Variants in STIM2 observed in about 807,000 individuals in gnomAD.
STIM2 encodes the protein stromal interaction molecule 2.
Under a neutral mutation model 85.8 loss-of-function variants are expected in STIM2, and 31 were observed. The ratio of observed to expected loss-of-function variants is 0.36; its 90% CI spans 0.27 to 0.49. STIM2 has a LOEUF of 0.49. Ranked by LOEUF, STIM2 falls within the 20% of genes least tolerant of loss-of-function variation. The pLI is 0.98. For synonymous variants in STIM2, 356 were observed against 331.1 expected (o/e 1.08, Z -0.82); for missense variants, 841 against 927.6 (o/e 0.91, Z 1.21).
At chr4:26,903,906 T>C (rs1018132297) in intron 1 of STIM2, among the ~76,000 whole-genome samples, 6 of 152,162 alleles carry the variant, frequency 3.9e-5, no homozygotes, top group African/African-American at 1.4e-4. Flanking sequence ...CTAACTGTTC[T>C]CAGTGGCTAG....
chr4:26,935,262 C>G (rs1434612567), intron 2 of STIM2, among the ~76,000 whole-genome samples: 1 of 152,138 alleles, frequency 6.6e-6, no homozygotes, highest in Admixed American at 6.5e-5. Context: ...TGGTCTTCAG[C>G]AACTCACCAA....
intron 7 of STIM2, 93 bp from the exon 8 acceptor site, chr4:27,007,440 C>T: frequency 1.4e-6 from 1 of 707,076 alleles, no homozygotes; most frequent in Non-Finnish European, 2.0e-6. Context: ...ATTAAAATAG[C>T]TTTTTTTTTT....
Position 27,017,770 on chromosome 4 carries a change from C to T in STIM2, c.1549C>T (p.Arg517Cys), listed in dbSNP as rs760297373. 7.4e-6 allele frequency: 12 copies of T among 1,613,990 alleles called. No homozygotes were observed. The highest frequency in any genetic ancestry group is 2.7e-5 in the African/African-American group (2 of 74,906). The change falls in exon 11 of 12, where the codon CGC (arginine) becomes TGC (cysteine). Residue 517 changes from arginine (R) to cysteine (C), a missense_variant. By Grantham distance (180) the Arg-to-Cys change is radical. This residue lies in a region of STIM2 where 408 missense variants were observed against 525.4 expected (regional missense o/e 0.78). Coordinates refer to ENST00000467087, the MANE Select transcript of STIM2 (RefSeq NM_020860.4). Reference sequence around the variant, plus strand: ...AAGCAGCAGCCTGTGCCGTTCACGCCGCAGCATTGTGCCGTCCTCGCCTCA... The same window carrying T: ...AAGCAGCAGCCTGTGCCGTTCACGCTGCAGCATTGTGCCGTCCTCGCCTCA...
Position 26,998,009 on chromosome 4 carries a change from A to G in STIM2, c.510-1223A>G, listed in dbSNP as rs1450635658. 3.3e-5 allele frequency among the ~76,000 whole-genome samples: 5 copies of G among 152,288 alleles called. No homozygotes were observed. The South Asian group carries it at 6.2e-4, about 19-fold the overall frequency. ...TTGGGTTTGAATCCTTGCCTTACCT[A>G]TTACTAATTATGTAACCTTAGGCAA... On this transcript the variant is annotated intron_variant, in intron 4 of 11. Transcript: ENST00000467087.
At chr4:26,934,277 C>A (rs1725317269) in intron 2 of STIM2, among the ~76,000 whole-genome samples, 1 of 152,124 alleles carries the variant, frequency 6.6e-6, no homozygotes, top group South Asian at 2.1e-4. Context: ...AATATTTTCT[C>A]AAAATTTCAA....
At chr4:26,986,530 T>C (rs950512601) in intron 3 of STIM2, among the ~76,000 whole-genome samples, 6 of 152,252 alleles carry the variant, frequency 3.9e-5, no homozygotes, top group African/African-American at 1.4e-4. Context: ...CTTTTACACA[T>C]GAAAGGAACA....
intron 1 of STIM2, among the ~76,000 whole-genome samples, chr4:26,906,828 A>G (rs1360903313): frequency 3.9e-5 from 6 of 152,112 alleles, no homozygotes; most frequent in Non-Finnish European, 8.8e-5. Flanking sequence ...TTAGATAGGC[A>G]TGGTGGTGGG....
Position 26,891,548 on chromosome 4 carries a change from TATAC to T in STIM2, c.152-27946_152-27943del, listed in dbSNP as rs745527510. Among the ~76,000 whole-genome samples, 170 of 125,378 alleles carry T rather than the reference TATAC, an allele frequency of 1.4e-3. 1 individual carries two copies. The highest frequency in any genetic ancestry group is 5.9e-3 in the Admixed American group (64 of 10,834). 82.3% of individuals were successfully genotyped at this position (125,378 alleles called of 152,430 possible). ...GTATATATACATATAAAGATATGTG[TATAC>T]ATACATACACACACACACACACACA... On this transcript the variant is annotated intron_variant, in intron 1 of 11. Coordinates refer to ENST00000467087, the MANE Select transcript of STIM2 (RefSeq NM_020860.4).
intron 2 of STIM2, among the ~76,000 whole-genome samples, chr4:26,952,671 CTG>C (rs1314083006): frequency 1.3e-5 from 2 of 152,172 alleles, no homozygotes; most frequent in East Asian, 3.9e-4. Context: ...CTCTCAAACA[CTG>C]TGCTATCTGT....
intron 1 of STIM2, among the ~76,000 whole-genome samples, chr4:26,861,975 T>C (rs1722226281): frequency 6.6e-6 from 1 of 152,132 alleles, no homozygotes; most frequent in South Asian, 2.1e-4. Context: ...TAAGTGGTGA[T>C]GGAAAGTGTT....
chr4:26,967,345 A>G (rs377123529), intron 3 of STIM2, among the ~76,000 whole-genome samples: 38 of 152,202 alleles, frequency 2.5e-4, no homozygotes, highest in African/African-American at 8.9e-4. Flanking sequence ...AAAGGGAGAG[A>G]GTAGCCTTGG....
chr4:26,953,504 G>A (rs1248062394), intron 2 of STIM2, among the ~76,000 whole-genome samples: 1 of 152,078 alleles, frequency 6.6e-6, no homozygotes, highest in African/African-American at 2.4e-5. Context: ...GTCAGGTTTT[G>A]AGTATATGTC....
intron 3 of STIM2, among the ~76,000 whole-genome samples, chr4:26,989,590 G>A (rs939870303): frequency 6.6e-6 from 1 of 152,122 alleles, no homozygotes; most frequent in African/African-American, 2.4e-5. Flanking sequence ...CTTTTATTCA[G>A]TGTAATACCA....
chr4:27,003,867 T>C (rs1728242522), intron 7 of STIM2, among the ~76,000 whole-genome samples: 1 of 152,156 alleles, frequency 6.6e-6, no homozygotes, highest in African/African-American at 2.4e-5. Context: ...TCATGCCCCT[T>C]CGTCTGTCTT....
At chr4:26,878,171 T>C (rs944545311) in intron 1 of STIM2, among the ~76,000 whole-genome samples, 4 of 152,222 alleles carry the variant, frequency 2.6e-5, no homozygotes, top group African/African-American at 7.2e-5. Flanking sequence ...CTTTTTTATA[T>C]GTGCTAGGTT....
chr4:26,878,190 G>A (rs1295399940), intron 1 of STIM2, among the ~76,000 whole-genome samples: 3 of 152,112 alleles, frequency 2.0e-5, no homozygotes, highest in Non-Finnish European at 4.4e-5. Flanking sequence ...TTTGTGATGG[G>A]GGTGGAGAAG....
rs773344068 is a variant in STIM2, at chr4:26,957,609, T to C, written c.283-3T>C. The C allele has an allele frequency of 2.1e-6, 3 of 1,446,206 alleles. No individual in the cohort carries two copies. The highest frequency in any genetic ancestry group is 9.4e-7 in the Non-Finnish European group (1 of 1,066,906). The allele number at this position is 1,446,206 out of a possible 1,614,324, so 89.6% of individuals were successfully genotyped here. On this transcript the variant is annotated splice_region_variant and splice_polypyrimidine_tract_variant and intron_variant, in intron 2 of 11. Coordinates refer to ENST00000467087, the MANE Select transcript of STIM2 (RefSeq NM_020860.4). ...ATTTAACTTAATGTTTTCTCTTCTA[T>C]AGTTCATCAGAGAAGATATGAAATA...
At chr4:26,945,531 CTTCCACAA>C (rs1184392152) in intron 2 of STIM2, among the ~76,000 whole-genome samples, 1 of 152,182 alleles carries the variant, frequency 6.6e-6, no homozygotes, top group Non-Finnish European at 1.5e-5. Context: ...GCCACACTGT[CTTCCACAA>C]TGGTTGAACT....
At chr4:26,963,547 G>T (rs73813252) in intron 3 of STIM2, among the ~76,000 whole-genome samples, 41 of 152,306 alleles carry the variant, frequency 2.7e-4, no homozygotes, top group Non-Finnish European at 4.9e-4. Flanking sequence ...ACACTCATTA[G>T]TAGAAAATAA....
Sources: gnomAD v4.1 joint callset for allele counts (sites outside exome capture counted in the v4.1 genomes callset) on GRCh38, gnomAD v4.1.1 for gene constraint, gnomAD v4.1.1 regional missense constraint, MANE v1.5 for transcripts, NCBI Gene and HGNC (gene_info 2026-07-23, HGNC 2026-07-21) for gene names.